RYR2: variants seen among roughly 807,000 people sequenced by gnomAD.
RYR2 encodes the protein ryanodine receptor 2, also known as cardiac muscle ryanodine receptor-calcium release channel.
Under a neutral mutation model 601.1 loss-of-function variants are expected in RYR2, and 227 were observed. The ratio of observed to expected loss-of-function variants is 0.38; its 90% CI spans 0.34 to 0.42. The LOEUF (loss-of-function observed/expected upper bound fraction) is 0.42, where lower values mean the gene tolerates loss of function less well. Among genes scored for constraint, RYR2 ranks in the 10% least tolerant of loss-of-function variants. The pLI is 1.00. For missense variants in RYR2, 4,646 were observed against 6,156.5 expected (o/e 0.75, Z 8.21); for synonymous variants, 2,223 against 2,175.1 (o/e 1.02, Z -0.61).
At chr1:237,787,032 C>G (rs1424502315) in intron 91 of RYR2, among the ~76,000 whole-genome samples, 3 of 152,024 alleles carry the variant, frequency 2.0e-5, no homozygotes, top group Non-Finnish European at 4.4e-5. Flanking sequence ...ATTAATATTT[C>G]TGGTTTATGT....
chr1:237,768,405 A>G (rs977326976), intron 84 of RYR2, among the ~76,000 whole-genome samples: 2 of 152,192 alleles, frequency 1.3e-5, no homozygotes, highest in South Asian at 4.1e-4. Context: ...TACAAGAGAA[A>G]ATGAAGGCGC....
At chr1:237,462,632 C>G (rs917971375) in intron 16 of RYR2, among the ~76,000 whole-genome samples, 7 of 152,038 alleles carry the variant, frequency 4.6e-5, no homozygotes, top group African/African-American at 1.7e-4. Flanking sequence ...TGAGTATGGC[C>G]AAAATGAATG....
At chr1:237,828,631 G>A (rs978267933) in intron 102 of RYR2, among the ~76,000 whole-genome samples, 186 bp downstream of exon 102, 2 of 152,196 alleles carry the variant, frequency 1.3e-5, no homozygotes, top group Non-Finnish European at 2.9e-5. Flanking sequence ...TGAAATTGTG[G>A]TGGACGCCAC....
chr1:237,694,857 T>C (rs1161160523), intron 63 of RYR2, among the ~76,000 whole-genome samples: 1 of 152,220 alleles, frequency 6.6e-6, no homozygotes, highest in Non-Finnish European at 1.5e-5. Context: ...AATTTCTCTC[T>C]ATTCCCTCAT....
In RYR2 at chr1:237,614,517, G is replaced by A; in HGVS notation, c.5389G>A (p.Glu1797Lys). ...LKSKTIQMLT[E>K]AVKEGSLHAR... ...GTCCAAAACCATACAGATGCTGACA[G>A]AAGCTGTTAAAGAGGGCAGTCTTCA... Residue 1797 changes from glutamate (E) to lysine (K), a missense_variant, in exon 37 of 105, where the codon GAA becomes AAA. Glu to Lys is a moderately conservative substitution (Grantham distance 56, BLOSUM62 1). Coordinates refer to ENST00000366574, the MANE Select transcript of RYR2 (RefSeq NM_001035.3). This position sits in a 1 kb window ranked among gnomAD's most constrained non-coding sequence, Gnocchi z 4.3. The A allele has an allele frequency of 6.2e-7, 1 of 1,614,054 alleles. No homozygotes were observed. Among genetic ancestry groups the A allele is most frequent in the Non-Finnish European group, 8.5e-7 (1 of 1,179,900 alleles).
intron 2 of RYR2, among the ~76,000 whole-genome samples, chr1:237,312,240 A>G (rs892102899): frequency 6.6e-5 from 10 of 152,174 alleles, no homozygotes; most frequent in Non-Finnish European, 1.5e-4. Context: ...TAAAATAACA[A>G]TCCCCAGGTA....
At chr1:237,619,187 T>G (rs1022266067) in intron 38 of RYR2, among the ~76,000 whole-genome samples, 2 of 152,074 alleles carry the variant, frequency 1.3e-5, no homozygotes, top group Non-Finnish European at 2.9e-5. Flanking sequence ...AAAACTTGAA[T>G]GAAAAAACCA....
chr1:237,116,885 C>G (rs140092662), intron 1 of RYR2, among the ~76,000 whole-genome samples: 570 of 152,302 alleles, frequency 3.7e-3, no homozygotes, highest in Non-Finnish European at 5.8e-3. Flanking sequence ...GTAGGGCAGT[C>G]TCCTTTACTG....
chr1:237,475,795 A>G (rs899513124), intron 17 of RYR2, among the ~76,000 whole-genome samples: 1 of 152,210 alleles, frequency 6.6e-6, no homozygotes, highest in Non-Finnish European at 1.5e-5. Context: ...ATGTATACTA[A>G]GAGTATCTGA....
intron 10 of RYR2, among the ~76,000 whole-genome samples, chr1:237,397,154 C>T (rs907002594): frequency 3.3e-5 from 5 of 151,728 alleles, no homozygotes; most frequent in African/African-American, 1.2e-4. Flanking sequence ...AGGAGAATCG[C>T]TTGAACGCAG....
At chr1:237,635,902 T>A (rs1457674655) in intron 44 of RYR2, among the ~76,000 whole-genome samples, 1 of 152,160 alleles carries the variant, frequency 6.6e-6, no homozygotes, top group African/African-American at 2.4e-5. Flanking sequence ...AGTCCAACCA[T>A]CTGCAGTATC....
At chr1:237,716,210 A>G (rs1689254194) in intron 71 of RYR2, among the ~76,000 whole-genome samples, 1 of 152,126 alleles carries the variant, frequency 6.6e-6, no homozygotes, top group Non-Finnish European at 1.5e-5. Flanking sequence ...ACTATGGTAA[A>G]AATGTCTTTC....
chr1:237,772,189 T>A, intron 86 of RYR2, 89 bp downstream of exon 86: 1 of 685,916 alleles, frequency 1.5e-6, no homozygotes, highest in Non-Finnish European at 2.4e-6. Flanking sequence ...GGTTTATAAC[T>A]AGAAAGGAGT....
chr1:237,140,463 A>G (rs1199979492), intron 1 of RYR2, among the ~76,000 whole-genome samples: 3 of 152,204 alleles, frequency 2.0e-5, no homozygotes, highest in African/African-American at 7.2e-5. Flanking sequence ...CTTGCAGAAC[A>G]CACAACACTG....
At chr1:237,786,288 T>C (rs1290115959) in intron 91 of RYR2, among the ~76,000 whole-genome samples, 2 of 152,210 alleles carry the variant, frequency 1.3e-5, no homozygotes, top group East Asian at 3.9e-4. Context: ...ATTTGTGTGA[T>C]TCCCTCTCAG....
intron 14 of RYR2, among the ~76,000 whole-genome samples, chr1:237,449,554 T>G (rs1275468711): frequency 1.3e-5 from 2 of 152,202 alleles, no homozygotes; most frequent in Non-Finnish European, 2.9e-5. Context: ...GTAGTTATCA[T>G]TTCTAGTGCT....
intron 4 of RYR2, among the ~76,000 whole-genome samples, chr1:237,360,231 T>C (rs1699664647): frequency 6.6e-6 from 1 of 152,210 alleles, no homozygotes; most frequent in Non-Finnish European, 1.5e-5. Flanking sequence ...TTTTTATGTG[T>C]AGGTGATGAT....
At chr1:237,530,356 C>A in intron 24 of RYR2, 71 bp from the exon 25 acceptor site, 1 of 1,115,206 alleles carries the variant, frequency 9.0e-7, no homozygotes, top group African/African-American at 1.6e-5. Flanking sequence ...CTCATTGCTA[C>A]TGCTGCTGTC....
intron 1 of RYR2, among the ~76,000 whole-genome samples, chr1:237,074,387 G>A (rs573625050): frequency 9.9e-5 from 15 of 152,284 alleles, no homozygotes; most frequent in African/African-American, 1.7e-4. Flanking sequence ...CATAACCTAC[G>A]TACTAACTGT....
Sources: gnomAD v4.1 joint callset for allele counts (sites outside exome capture counted in the v4.1 genomes callset) on GRCh38, gnomAD v4.1.1 for gene constraint, Gnocchi (gnomAD v3.1) non-coding constraint, MANE v1.5 for transcripts, NCBI Gene and HGNC (gene_info 2026-07-23, HGNC 2026-07-21) for gene names.